NEK1: variants seen among roughly 807,000 people sequenced by gnomAD.
NEK1 encodes the protein NIMA related kinase 1.
A neutral mutation model predicts 182.1 loss-of-function variants in NEK1; 137 were observed. That is an observed-to-expected ratio of 0.75 (90% CI 0.65 to 0.87). The LOEUF (loss-of-function observed/expected upper bound fraction) is 0.87, where lower values mean the gene tolerates loss of function less well. NEK1 is among the 40% of genes least tolerant of loss of function. The pLI, the probability that NEK1 is intolerant of heterozygous loss-of-function variation, is 0.00. For synonymous variants in NEK1, 513 were observed against 492.2 expected (o/e 1.04, Z -0.56); for missense variants, 1,391 against 1,494.4 (o/e 0.93, Z 1.14).
At chr4:169,567,171 G>C (rs998065168) in intron 12 of NEK1, among the ~76,000 whole-genome samples, 5 of 152,110 alleles carry the variant, frequency 3.3e-5, no homozygotes, top group African/African-American at 9.6e-5. Context: ...CAGAAATCTG[G>C]GGTTTATTTT....
At chr4:169,502,243 T>C in intron 23 of NEK1, among the ~76,000 whole-genome samples, 1 of 112,654 alleles carries the variant, frequency 8.9e-6, no homozygotes, top group South Asian at 2.6e-4. Context: ...GAAACAGTAA[T>C]AAAAAAAAAA....
At chr4:169,478,135 A>G (rs1747311263) in intron 24 of NEK1, among the ~76,000 whole-genome samples, 1 of 152,112 alleles carries the variant, frequency 6.6e-6, no homozygotes, top group South Asian at 2.1e-4. Flanking sequence ...CGAAAAGAAG[A>G]AATTAGCAGT....
At chr4:169,477,638 G>C in intron 24 of NEK1, 141 bp from the exon 25 acceptor site, 1 of 611,752 alleles carries the variant, frequency 1.6e-6, no homozygotes, top group Non-Finnish European at 2.8e-6. Context: ...TGTTAACAAA[G>C]CTTCCTTCAT....
chr4:169,483,865 CAAAAA>C (rs376726833), intron 23 of NEK1, among the ~76,000 whole-genome samples: 7 of 117,296 alleles, frequency 6.0e-5, no homozygotes, highest in African/African-American at 1.3e-4. Context: ...GACTCTGTCT[CAAAAA>C]AAAAAAAAAA....
chr4:169,484,884 C>G (rs191138332), intron 23 of NEK1, among the ~76,000 whole-genome samples: 5 of 152,262 alleles, frequency 3.3e-5, no homozygotes, highest in Non-Finnish European at 5.9e-5. Flanking sequence ...AGATAATTTA[C>G]GTAAAGTACA....
At chr4:169,438,769 C>T (rs1738886624) in intron 27 of NEK1, among the ~76,000 whole-genome samples, 1 of 152,220 alleles carries the variant, frequency 6.6e-6, no homozygotes, top group South Asian at 2.1e-4. Context: ...CTCCCCAACA[C>T]TAACTCTGTC....
intron 31 of NEK1, among the ~76,000 whole-genome samples, chr4:169,419,977 T>C (rs1346952572): frequency 1.3e-5 from 2 of 152,192 alleles, no homozygotes; most frequent in Non-Finnish European, 2.9e-5. Flanking sequence ...GAGTGAGTGG[T>C]GAGTGAAATG....
intron 28 of NEK1, among the ~76,000 whole-genome samples, chr4:169,434,202 G>GTTTTTTT (rs70964203): frequency 1.2e-5 from 1 of 81,904 alleles, no homozygotes; most frequent in Non-Finnish European, 2.4e-5. Context: ...CACTCAAATA[G>GTTTTTTT]TTTTTTTTTT....
In NEK1 at chr4:169,400,308, A is replaced by G; in HGVS notation, c.3764T>C (p.Val1255Ala). The G allele has an allele frequency of 1.3e-6, 2 of 1,548,174 alleles. No individual in the cohort carries two copies. The highest frequency in any genetic ancestry group is 2.4e-5 in the South Asian group (2 of 83,138). Residue 1255 changes from valine (V) to alanine (A), a missense_variant, in exon 35 of 36, where the codon GTT becomes GCT. Val to Ala is a moderately conservative substitution (Grantham distance 64). Coordinates refer to ENST00000507142, the MANE Select transcript of NEK1 (RefSeq NM_001199397.3). ...DENIEICSKI[V>A]QNILGNEHQH... ...ATGTTCATTTCCCAAAATATTTTGA[A>G]CTATTTTTGAACAAATTTCAATATT...
intron 19 of NEK1, among the ~76,000 whole-genome samples, chr4:169,533,611 G>A (rs1264102556): frequency 6.6e-6 from 1 of 152,132 alleles, no homozygotes. Context: ...ACATGAAAAC[G>A]TAAATTTTTG....
In NEK1 at chr4:169,536,992, A is replaced by G. The variant is rs560910277; in HGVS notation, c.1665+817T>C. Among the ~76,000 whole-genome samples, 172 of 152,350 alleles carry G rather than the reference A, an allele frequency of 1.1e-3. 2 individuals are homozygous for G. Among genetic ancestry groups the G allele is most frequent in the African/African-American group, 3.8e-3 (157 of 41,586 alleles). On this transcript the variant is annotated intron_variant, in intron 19 of 35. Coordinates refer to ENST00000507142, the MANE Select transcript of NEK1 (RefSeq NM_001199397.3). ...TTGTTTCAAAGAAAAAACATACTAT[A>G]TTGAACTACATTAACTCACAAAGAT...
intron 23 of NEK1, among the ~76,000 whole-genome samples, chr4:169,498,807 A>G (rs1751861803): frequency 6.6e-6 from 1 of 152,134 alleles, no homozygotes; most frequent in Non-Finnish European, 1.5e-5. Context: ...TTTGTAGGTA[A>G]CCCAACCTTT....
chr4:169,604,583 C>T (rs1771027338), intron 2 of NEK1, among the ~76,000 whole-genome samples: 1 of 152,184 alleles, frequency 6.6e-6, no homozygotes, highest in African/African-American at 2.4e-5. Flanking sequence ...TGGCAGTTTA[C>T]CATATTTCTC....
intron 5 of NEK1, among the ~76,000 whole-genome samples, chr4:169,597,129 CACAA>C (rs1025567946): frequency 1.1e-4 from 16 of 152,228 alleles, no homozygotes; most frequent in Middle Eastern, 3.4e-3. Flanking sequence ...TGAAAATAAG[CACAA>C]ACAATGAAAT....
At chr4:169,468,304 A>G (rs554905075) in intron 26 of NEK1, among the ~76,000 whole-genome samples, 1 of 152,248 alleles carries the variant, frequency 6.6e-6, no homozygotes, top group East Asian at 1.9e-4. Context: ...AAATTCAGAA[A>G]AAGTTGCCCC....
chr4:169,393,652 T>G lies in NEK1; in HGVS notation c.*858A>C, dbSNP rs1730263296. On this transcript the variant is annotated 3_prime_UTR_variant, in exon 36 of 36. Coordinates refer to ENST00000507142, the MANE Select transcript of NEK1 (RefSeq NM_001199397.3). ...CCTAGGATCCTAGTTACCAAAACTG[T>G]CACAGTGTCAAAATAAAAATAATTA... 6.6e-6 allele frequency: 1 copy of G among 152,168 alleles called. No homozygotes were observed. The highest frequency in any genetic ancestry group is 1.5e-5 in the Non-Finnish European group (1 of 68,026). 9.4% of individuals were successfully genotyped at this position (152,168 alleles called of 1,614,324 possible).
chr4:169,528,711 A>G (rs902491625), intron 19 of NEK1, among the ~76,000 whole-genome samples: 1 of 152,232 alleles, frequency 6.6e-6, no homozygotes, highest in East Asian at 1.9e-4. Flanking sequence ...CTTCCTTAGT[A>G]TCAAATAGAA....
chr4:169,585,267 T>C (rs1259373306), intron 10 of NEK1, 82 bp downstream of exon 10: 1 of 910,890 alleles, frequency 1.1e-6, no homozygotes, highest in Non-Finnish European at 1.7e-6. Context: ...AAGATCCAGA[T>C]GTGTTCTCCT....
At chr4:169,574,612 A>G (rs797020414) in intron 12 of NEK1, among the ~76,000 whole-genome samples, 1 of 118,004 alleles carries the variant, frequency 8.5e-6, no homozygotes, top group East Asian at 2.2e-4. Context: ...ACCTCAAAAG[A>G]AAAAAAAAAA....
Sources: allele counts gnomAD v4.1 joint callset (sites outside exome capture counted in the v4.1 genomes callset), GRCh38; gene constraint gnomAD v4.1.1; transcripts MANE v1.5; gene names NCBI Gene and HGNC (gene_info 2026-07-23, HGNC 2026-07-21).